Variants in JCAD observed in about 807,000 individuals in gnomAD.
JCAD encodes the protein junctional cadherin 5-associated protein.
A neutral mutation model predicts 98.0 loss-of-function variants in JCAD; 40 were observed. The ratio of observed to expected loss-of-function variants is 0.41; its 90% CI spans 0.32 to 0.53. The LOEUF is 0.53. JCAD is among the 20% of genes least tolerant of loss of function. JCAD has a pLI of 0.31. For synonymous variants in JCAD, 691 were observed against 682.3 expected (o/e 1.01, Z -0.20); for missense variants, 1,705 against 1,738.1 (o/e 0.98, Z 0.34).
At chr10:30,107,596 G>A (rs551738998) in intron 1 of JCAD, among the ~76,000 whole-genome samples, 1 of 152,160 alleles carries the variant, frequency 6.6e-6, no homozygotes, top group African/African-American at 2.4e-5. Flanking sequence ...AGCAGCCGTC[G>A]CCACTGCTCT....
upstream of JCAD, among the ~76,000 whole-genome samples, chr10:30,064,490 C>T: frequency 6.6e-6 from 1 of 152,178 alleles, no homozygotes; most frequent in East Asian, 1.9e-4. Flanking sequence ...ACTAATACGC[C>T]ATCACCTTAT....
intron 3 of JCAD, among the ~76,000 whole-genome samples, chr10:30,025,420 A>C (rs1192558938): frequency 6.6e-6 from 1 of 151,442 alleles, no homozygotes; most frequent in Non-Finnish European, 1.5e-5. Flanking sequence ...CAGGAGTCTG[A>C]GGTAGGAGAA....
rs755068385 is a variant in JCAD, at chr10:30,026,117, T to C, written c.4031A>G (p.Asp1344Gly). Reference protein sequence around the residue: ...AAQKEKSMDQDFWCPDSYDPS... With the variant: ...AAQKEKSMDQGFWCPDSYDPS... ...TGATTCCTCACCTGGGCACCAGAAG[T>C]CTTGATCCATGCTCTTCTCCTTTTG... Residue 1344 changes from aspartate to glycine, a missense_variant, in exon 3 of 4, where the codon GAC (aspartate) becomes GGC (glycine). By Grantham distance (94) the Asp-to-Gly change is moderately conservative. Transcript: ENST00000375377. 6.2e-7 allele frequency: 1 copy of C among 1,614,186 alleles called. No individual in the cohort carries two copies. Among genetic ancestry groups the C allele is most frequent in the Non-Finnish European group, 8.5e-7 (1 of 1,180,036 alleles).
At chr10:30,109,294 G>GGCTT (rs1838646012) in intron 1 of JCAD, among the ~76,000 whole-genome samples, 1 of 152,148 alleles carries the variant, frequency 6.6e-6, no homozygotes, top group African/African-American at 2.4e-5. Context: ...TGCATGTCTA[G>GGCTT]GCTTGGTTCA....
At chr10:30,035,401 C>T (rs186100559) in intron 2 of JCAD, among the ~76,000 whole-genome samples, 8 of 152,318 alleles carry the variant, frequency 5.3e-5, no homozygotes, top group African/African-American at 7.2e-5. Flanking sequence ...TACTTTGCAA[C>T]GCAGTCCACA....
Position 30,028,619 on chromosome 10 carries a change from T to A in JCAD, c.1529A>T (p.Asn510Ile), listed in dbSNP as rs1201899943. 6.2e-7 allele frequency: 1 copy of A among 1,611,574 alleles called. No individual in the cohort carries two copies. Among genetic ancestry groups the A allele is most frequent in the Non-Finnish European group, 8.5e-7 (1 of 1,178,610 alleles). ...LWGQPPGDGE[N>I]SGLPNQRDRC... ...GTCTCTCTGGTTGGGGAGGCCACTG[T>A]TTTCCCCATCCCCGGGGGGCTGGCC... The change falls in exon 3 of 4, where the codon AAC becomes ATC. Residue 510 changes from asparagine to isoleucine, a missense_variant. This residue lies in a region of JCAD where 1,278 missense variants were observed against 1,243.1 expected (regional missense o/e 1.03). Coordinates refer to ENST00000375377, the MANE Select transcript of JCAD (RefSeq NM_020848.4).
At chr10:30,032,558 CAA>C (rs1299453257) in intron 2 of JCAD, among the ~76,000 whole-genome samples, 1 of 152,120 alleles carries the variant, frequency 6.6e-6, no homozygotes, top group Non-Finnish European at 1.5e-5. Context: ...AAAAATGTTT[CAA>C]GTCTAGGATA....
At chr10:30,065,175 G>A (rs575043877) in intron 2 of JCAD, among the ~76,000 whole-genome samples, 2 of 152,198 alleles carry the variant, frequency 1.3e-5, no homozygotes, top group East Asian at 3.9e-4. Context: ...ATAAGACCCG[G>A]CATTTGATAT....
At chr10:30,046,154 C>G (rs1437313828) in intron 2 of JCAD, among the ~76,000 whole-genome samples, 1 of 152,152 alleles carries the variant, frequency 6.6e-6, no homozygotes, top group Non-Finnish European at 1.5e-5. Flanking sequence ...AGACTCAGAG[C>G]TCTTCCTCCC....
intron 2 of JCAD, among the ~76,000 whole-genome samples, chr10:30,065,321 T>C (rs111260508): frequency 2.6e-4 from 39 of 152,286 alleles, no homozygotes; most frequent in African/African-American, 9.1e-4. Flanking sequence ...CCTGGTTTGA[T>C]TATATGAATT....
chr10:30,106,355 C>T (rs1022850147), intron 1 of JCAD, among the ~76,000 whole-genome samples: 4 of 151,916 alleles, frequency 2.6e-5, no homozygotes, highest in Non-Finnish European at 4.4e-5. Context: ...TGCTTGAGCC[C>T]AGGAGTTGGA....
chr10:30,081,620 C>T (rs748032054), intron 1 of JCAD, among the ~76,000 whole-genome samples: 15 of 152,110 alleles, frequency 9.9e-5, no homozygotes, highest in Middle Eastern at 3.4e-3. Context: ...TTAGTAGAGA[C>T]GGGGTTTCGC....
At chr10:30,040,654 T>C (rs1237393062) in intron 2 of JCAD, among the ~76,000 whole-genome samples, 1 of 152,240 alleles carries the variant, frequency 6.6e-6, no homozygotes, top group South Asian at 2.1e-4. Context: ...CATGGGTTTC[T>C]GAGAGCCTGA....
rs558260248 is a variant in JCAD, at chr10:30,092,463, C to T, written n.129-22642G>A. ...CACTCCCACTCTCCCATCTAGTTCC[C>T]AAGCCCTCCGAACAGAAGCTAGCAG... is the stretch of plus-strand genomic sequence containing the variant. On this transcript the variant is annotated intron_variant and non_coding_transcript_variant, in intron 1 of 2. Transcript: ENST00000465712. Among the ~76,000 whole-genome samples, 16 of 152,192 alleles carry T rather than the reference C, an allele frequency of 1.1e-4. No individual in the cohort carries two copies. In the South Asian group the frequency reaches 2.7e-3, roughly 26 times the overall value.
At chr10:30,074,123 A>C (rs1328088383) in intron 1 of JCAD, among the ~76,000 whole-genome samples, 1 of 152,148 alleles carries the variant, frequency 6.6e-6, no homozygotes, top group Non-Finnish European at 1.5e-5. Context: ...CTATGGACAA[A>C]ATATCCCTCT....
chr10:30,073,215 T>C (rs1564463473), intron 1 of JCAD, among the ~76,000 whole-genome samples: 1 of 152,212 alleles, frequency 6.6e-6, no homozygotes, highest in Non-Finnish European at 1.5e-5. Context: ...TGGATCTCAA[T>C]GCTGCCATTC....
In JCAD at chr10:30,027,040, C is replaced by A; in HGVS notation, c.3108G>T (p.Leu1036=). The change falls in exon 3 of 4, where the codon CTG becomes CTT. Residue 1036 remains leucine (L), a synonymous_variant. Transcript: ENST00000375377. The part of the protein sequence containing the change: ...GERGAGLPLS[L]SNKNRGLSAP... ...CTGAGAGCCCTCGGTTCTTGTTAGA[C>A]AGGGACAGTGGGAGCCCTGCCCCCC... 6.2e-7 allele frequency: 1 copy of A among 1,614,212 alleles called. No homozygotes were observed. Among genetic ancestry groups the A allele is most frequent in the Non-Finnish European group, 8.5e-7 (1 of 1,180,030 alleles).
chr10:30,094,856 G>A (rs1838344011), intron 1 of JCAD, among the ~76,000 whole-genome samples: 1 of 152,142 alleles, frequency 6.6e-6, no homozygotes, highest in Admixed American at 6.6e-5. Flanking sequence ...CTGAGATGTG[G>A]AGTCATTTCC....
At chr10:30,095,021 G>A (rs1440495143) in intron 1 of JCAD, among the ~76,000 whole-genome samples, 1 of 152,160 alleles carries the variant, frequency 6.6e-6, no homozygotes, top group Non-Finnish European at 1.5e-5. Flanking sequence ...AGCCCGGGGT[G>A]GATCTTGGCC....
Sources: allele counts gnomAD v4.1 joint callset (sites outside exome capture counted in the v4.1 genomes callset), GRCh38; gene constraint gnomAD v4.1.1; regional missense constraint gnomAD v4.1.1; transcripts MANE v1.5; gene names NCBI Gene and HGNC (gene_info 2026-07-23, HGNC 2026-07-21).